The following DGKB variants were observed in gnomAD, a reference collection of about 807,000 sequenced individuals.
The protein encoded by DGKB is 90 kDa diacylglycerol kinase.
DGKB carries 67 observed loss-of-function variants against 114.3 expected under a neutral mutation model. The observed-to-expected ratio is 0.59, with a 90% CI of 0.48 to 0.72. DGKB has a LOEUF of 0.72. DGKB is among the 30% of genes least tolerant of loss of function. The probability of loss-of-function intolerance (pLI) is 0.00; values close to 1 mark genes in which losing one functional copy is unlikely to be tolerated. For synonymous variants in DGKB, 398 were observed against 323.1 expected, an observed-to-expected ratio of 1.23 and a Z score of -2.49; for missense variants, 907 against 975.2, an observed-to-expected ratio of 0.93 and a Z score of 0.93.
intron 23 of DGKB, among the ~76,000 whole-genome samples, chr7:14,311,953 G>T (rs1021149782): frequency 6.6e-6 from 1 of 152,048 alleles, no homozygotes; most frequent in Admixed American, 6.5e-5. Context: ...TATGACAGTG[G>T]ATAACTGTAA....
intron 23 of DGKB, among the ~76,000 whole-genome samples, chr7:14,338,303 CGAA>C (rs1051629374): frequency 1.3e-5 from 2 of 151,778 alleles, no homozygotes; most frequent in Non-Finnish European, 2.9e-5. Context: ...GAGCTATATA[CGAA>C]GAAGAATAAC....
chr7:14,327,675 A>C (rs1808984604), intron 23 of DGKB, among the ~76,000 whole-genome samples: 1 of 152,146 alleles, frequency 6.6e-6, no homozygotes, highest in African/African-American at 2.4e-5. Flanking sequence ...TGAGTAAAAG[A>C]TGCATTGACT....
chr7:14,460,812 C>T (rs1278062097), intron 21 of DGKB, among the ~76,000 whole-genome samples: 6 of 152,228 alleles, frequency 3.9e-5, no homozygotes, highest in African/African-American at 1.4e-4. Flanking sequence ...TTCTTCTCAG[C>T]ACCACATCAC....
chr7:14,855,755 A>G (rs996478079), intron 1 of DGKB, among the ~76,000 whole-genome samples: 2 of 152,152 alleles, frequency 1.3e-5, no homozygotes, highest in Non-Finnish European at 2.9e-5. Flanking sequence ...CCTAAATATT[A>G]ACACCTTATT....
chr7:14,867,795 A>G (rs1851897109), intron 1 of DGKB, among the ~76,000 whole-genome samples: 1 of 152,158 alleles, frequency 6.6e-6, no homozygotes, highest in South Asian at 2.1e-4. Flanking sequence ...GTTCCTTAGC[A>G]TATGCATGTA....
At chr7:14,577,851 A>G (rs181337520) in intron 19 of DGKB, among the ~76,000 whole-genome samples, 2 of 152,342 alleles carry the variant, frequency 1.3e-5, no homozygotes, top group Non-Finnish European at 2.9e-5. Context: ...CCTGAATCTT[A>G]AGTGAACCAA....
intron 1 of DGKB, among the ~76,000 whole-genome samples, chr7:14,902,099 C>T (rs1482006253): frequency 6.6e-6 from 1 of 152,104 alleles, no homozygotes; most frequent in African/African-American, 2.4e-5. Context: ...TAGAGACCTA[C>T]TTCACGTTTT....
upstream of DGKB, among the ~76,000 whole-genome samples, chr7:14,903,560 T>C (rs1386085321): frequency 1.3e-5 from 2 of 152,100 alleles, no homozygotes; most frequent in South Asian, 2.1e-4. Context: ...TGGTGGGTCA[T>C]TGTTCAGCAA....
chr7:14,717,075 T>G (rs1241068178), intron 6 of DGKB, among the ~76,000 whole-genome samples: 2 of 151,986 alleles, frequency 1.3e-5, no homozygotes, highest in African/African-American at 4.8e-5. Context: ...AGATTCATCA[T>G]GTCTTTTTGA....
intron 21 of DGKB, among the ~76,000 whole-genome samples, chr7:14,394,936 A>G (rs1821992431): frequency 6.6e-6 from 1 of 152,132 alleles, no homozygotes; most frequent in South Asian, 2.1e-4. Flanking sequence ...AGTAGGGTCA[A>G]CTTTTCTGTA....
intron 6 of DGKB, among the ~76,000 whole-genome samples, chr7:14,710,822 T>C (rs1183103971): frequency 6.6e-6 from 1 of 152,110 alleles, no homozygotes; most frequent in East Asian, 1.9e-4. Context: ...TAAAGTTAAG[T>C]CAAATTTAAA....
intron 21 of DGKB, among the ~76,000 whole-genome samples, chr7:14,470,987 A>G (rs1541873): frequency 1.3e-5 from 2 of 150,816 alleles, no homozygotes; most frequent in South Asian, 4.2e-4. Flanking sequence ...CTGAAATATT[A>G]TATTTTTAAC....
rs552047254 is a variant in DGKB, at chr7:14,774,945, T to C, written c.71-17214A>G. On this transcript the variant is annotated intron_variant, in intron 2 of 25. Transcript: ENST00000402815. The stretch of plus-strand genomic sequence containing the variant: ...GCTTTTATGTTTACAGGCAAGATCA[T>C]TGCATTTTTTATGATTGTGTAATTA... 1.2e-4 allele frequency among the ~76,000 whole-genome samples: 18 copies of C among 152,266 alleles called. 1 individual carries two copies. In the South Asian group the frequency reaches 3.5e-3, roughly 30 times the overall value.
At chr7:14,483,179 C>T (rs555888421) in intron 20 of DGKB, among the ~76,000 whole-genome samples, 13 of 152,230 alleles carry the variant, frequency 8.5e-5, no homozygotes, top group African/African-American at 3.1e-4. Context: ...ACTTTTTTTA[C>T]AGAAGTGACC....
At chr7:14,484,208 C>CTA (rs1037586880) in intron 20 of DGKB, among the ~76,000 whole-genome samples, 1 of 152,000 alleles carries the variant, frequency 6.6e-6, no homozygotes, top group Non-Finnish European at 1.5e-5. Flanking sequence ...ATAGCAAAGC[C>CTA]TATATATATG....
chr7:14,668,530 T>A (rs62448676), intron 13 of DGKB, among the ~76,000 whole-genome samples: 14 of 152,190 alleles, frequency 9.2e-5, no homozygotes, highest in African/African-American at 2.4e-4. Context: ...TTTCCTCATA[T>A]GTAAAATGGG....
In DGKB at chr7:14,297,942, A is replaced by C. The variant is rs547026340; in HGVS notation, c.2122+40573T>G. ...AAACAGAGAGCCAAATCATGAGTTA[A>C]CTCCCATTCACAATTGCTACAAAGG... is the stretch of plus-strand genomic sequence containing the variant. On this transcript the variant is annotated intron_variant, in intron 23 of 25. Coordinates refer to ENST00000402815, the MANE Select transcript of DGKB (RefSeq NM_001350709.2). 1.8e-4 allele frequency among the ~76,000 whole-genome samples: 28 copies of C among 152,276 alleles called. No homozygotes were observed. The Middle Eastern group carries it at 0.014, about 74-fold the overall frequency.
intron 21 of DGKB, among the ~76,000 whole-genome samples, chr7:14,347,304 G>T (rs959855068): frequency 1.3e-5 from 2 of 151,992 alleles, no homozygotes; most frequent in African/African-American, 4.8e-5. Flanking sequence ...GCACTGGCAA[G>T]GGTGTGGACA....
chr7:14,704,279 C>T (rs943569563), intron 6 of DGKB, among the ~76,000 whole-genome samples: 1 of 103,610 alleles, frequency 9.7e-6, no homozygotes, highest in African/African-American at 3.4e-5. Flanking sequence ...ACTAAAAATA[C>T]AAAAAAAAAA....
Sources: gnomAD v4.1 joint callset for allele counts (sites outside exome capture counted in the v4.1 genomes callset) on GRCh38, gnomAD v4.1.1 for gene constraint, MANE v1.5 for transcripts, NCBI Gene and HGNC (gene_info 2026-07-23, HGNC 2026-07-21) for gene names.